The following LRFN5 variants were observed in gnomAD, a reference collection of about 807,000 sequenced individuals.
The protein encoded by LRFN5 is leucine-rich repeat and fibronectin type-III domain-containing protein 5.
Under a neutral mutation model 45.6 loss-of-function variants are expected in LRFN5, and 24 were observed. The ratio of observed to expected loss-of-function variants is 0.53; its 90% CI spans 0.38 to 0.74. The LOEUF is 0.74. Ranked by LOEUF, LRFN5 falls within the 30% of genes least tolerant of loss-of-function variation. The probability of loss-of-function intolerance (pLI) is 0.00; values close to 1 mark genes in which losing one functional copy is unlikely to be tolerated. For missense variants in LRFN5, 776 were observed against 861.5 expected, an observed-to-expected ratio of 0.90 and a Z score of 1.24; for synonymous variants, 340 against 313.8, an observed-to-expected ratio of 1.08 and a Z score of -0.88.
At chr14:41,807,343 A>G (rs143505717) in intron 2 of LRFN5, among the ~76,000 whole-genome samples, 2,036 of 152,256 alleles carry the variant, frequency 0.013, 19 homozygotes, top group Non-Finnish European at 0.018. Context: ...AAGTATAGAA[A>G]TCACTTGTTA....
intron 1 of LRFN5, among the ~76,000 whole-genome samples, chr14:41,660,725 G>C (rs1276268666): frequency 6.6e-6 from 1 of 151,732 alleles, no homozygotes; most frequent in African/African-American, 2.4e-5. Flanking sequence ...TTAAGTATTG[G>C]ATGTGACTTG....
At chr14:41,767,875 T>TG (rs571136855) in intron 2 of LRFN5, among the ~76,000 whole-genome samples, 192 of 152,318 alleles carry the variant, frequency 1.3e-3, no homozygotes, top group African/African-American at 3.9e-3. Context: ...ATGAGCCTGT[T>TG]GTTTTGCCAT....
intron 1 of LRFN5, among the ~76,000 whole-genome samples, chr14:41,674,602 G>T (rs528402733): frequency 1.6e-4 from 23 of 147,362 alleles, no homozygotes; most frequent in African/African-American, 5.5e-4. Flanking sequence ...CGGGCAGGGG[G>T]CTGACCCCCC....
At position 41,734,344 on chromosome 14, in the gene LRFN5, A is replaced by ATATATATATATATATATATATATATT. The variant is rs1428416141; in HGVS notation, c.-196-32509_-196-32508insATATATATATATATATATATATATTT. On this transcript the variant is annotated intron_variant, in intron 1 of 5. Coordinates refer to ENST00000298119, the MANE Select transcript of LRFN5 (RefSeq NM_152447.5). ...TATATATATATATATATATATATAT[A>ATATATATATATATATATATATATATT]TTTAAATTTGCTGTAACTTATTGAT... Among the ~76,000 whole-genome samples the ATATATATATATATATATATATATATT allele has an allele frequency of 6.4e-4, 68 of 105,936 alleles. 3 individuals carry two copies. Among genetic ancestry groups the ATATATATATATATATATATATATATT allele is most frequent in the East Asian group, 4.6e-3 (9 of 1,940 alleles). The allele number at this position is 105,936 out of a possible 152,430, so 69.5% of individuals were successfully genotyped here. A position where few individuals can be genotyped will look rare whatever the true frequency, so the allele number is the denominator to read the frequency against.
intron 2 of LRFN5, among the ~76,000 whole-genome samples, chr14:41,810,337 A>G (rs1887694495): frequency 6.6e-6 from 1 of 152,128 alleles, no homozygotes; most frequent in Admixed American, 6.6e-5. Flanking sequence ...GACCATAGCT[A>G]CTTGTGAGGC....
intron 2 of LRFN5, among the ~76,000 whole-genome samples, chr14:41,873,135 G>A (rs1221328593): frequency 6.6e-6 from 1 of 152,086 alleles, no homozygotes; most frequent in Non-Finnish European, 1.5e-5. Context: ...TGCTGCTTAT[G>A]GAGAATCTGT....
At chr14:41,869,910 C>T (rs1419429798) in intron 2 of LRFN5, among the ~76,000 whole-genome samples, 1 of 152,132 alleles carries the variant, frequency 6.6e-6, no homozygotes, top group African/African-American at 2.4e-5. Flanking sequence ...ACAGCCAAAC[C>T]ATATCAATAA....
intron 1 of LRFN5, among the ~76,000 whole-genome samples, chr14:41,609,483 C>T (rs1382218430): frequency 2.0e-5 from 3 of 152,046 alleles, no homozygotes; most frequent in Admixed American, 1.3e-4. Context: ...CCGGCTGAAG[C>T]AGAACAAATT....
At position 41,887,433 on chromosome 14, in the gene LRFN5, A is replaced by T; in HGVS notation, c.808A>T (p.Thr270Ser). The T allele has an allele frequency of 6.2e-7, 1 of 1,614,038 alleles. No homozygotes were observed. Residue 270 changes from threonine to serine, a missense_variant, in exon 3 of 6, where the codon ACT (threonine) becomes TCT (serine). Around this residue, in one of 2 missense-constraint regions of LRFN5, gnomAD observed 311 missense variants for 405.1 expected, o/e 0.77. Coordinates refer to ENST00000298119, the MANE Select transcript of LRFN5 (RefSeq NM_152447.5). The surrounding 1 kb of genome is among the most constrained non-coding windows in gnomAD (Gnocchi z 4.8). ...GACCTGTGCTTCTCCTCCACTTTTA[A>T]CTGGCCGCTACTTTTGGTCAATTCC... ...LETCASPPLL[T>S]GRYFWSIPEE...
chr14:41,848,885 G>T (rs1432836495), intron 2 of LRFN5, among the ~76,000 whole-genome samples: 2 of 151,992 alleles, frequency 1.3e-5, no homozygotes, highest in African/African-American at 4.8e-5. Flanking sequence ...AAAGACTTCT[G>T]TAACCCTTGC....
At chr14:41,767,436 T>C (rs1885925512) in intron 2 of LRFN5, among the ~76,000 whole-genome samples, 1 of 152,150 alleles carries the variant, frequency 6.6e-6, no homozygotes, top group South Asian at 2.1e-4. Context: ...AATTTCTCAT[T>C]TTCTGAATTT....
At chr14:41,674,362 C>G (rs1168880333) in intron 1 of LRFN5, among the ~76,000 whole-genome samples, 1 of 141,216 alleles carries the variant, frequency 7.1e-6, no homozygotes, top group African/African-American at 2.7e-5. Flanking sequence ...GATGGGGCGG[C>G]TGGCCGGGCG....
At chr14:41,739,688 G>C (rs551861088) in intron 1 of LRFN5, among the ~76,000 whole-genome samples, 17 of 151,066 alleles carry the variant, frequency 1.1e-4, no homozygotes, top group Non-Finnish European at 2.5e-4. Context: ...CACAAACGTA[G>C]TGGAAGGAAG....
In LRFN5 at chr14:41,886,676, T is replaced by A; in HGVS notation, c.51T>A (p.Ala17=). 1 of 1,610,610 alleles carries A rather than the reference T, an allele frequency of 6.2e-7. No individual in the cohort carries two copies. Among genetic ancestry groups the A allele is most frequent in the Non-Finnish European group, 8.5e-7 (1 of 1,179,120 alleles). The change falls in exon 3 of 6, where the codon GCT becomes GCA. Residue 17 remains alanine (A), a synonymous_variant. Coordinates refer to ENST00000298119, the MANE Select transcript of LRFN5 (RefSeq NM_152447.5). ...TTCTCATTGGCATAGCAGTGAAAGC[T>A]CAGATCTGTCCAAAGCGTTGTGTCT... is the stretch of plus-strand genomic sequence containing the variant. ...YLFLIGIAVK[A]QICPKRCVCQ...
chr14:41,613,736 C>CA (rs925290807), intron 1 of LRFN5, among the ~76,000 whole-genome samples: 3 of 151,666 alleles, frequency 2.0e-5, no homozygotes, highest in African/African-American at 4.8e-5. Flanking sequence ...AGAAAAAAAA[C>CA]AAAAAAACTA....
At chr14:41,760,509 A>T (rs780594903) in intron 1 of LRFN5, among the ~76,000 whole-genome samples, 1 of 152,250 alleles carries the variant, frequency 6.6e-6, no homozygotes, top group Non-Finnish European at 1.5e-5. Flanking sequence ...TGGCTTCTAC[A>T]CATTTACACA....
chr14:41,752,202 T>G (rs1043277891), intron 1 of LRFN5, among the ~76,000 whole-genome samples: 41 of 152,104 alleles, frequency 2.7e-4, no homozygotes, highest in African/African-American at 8.7e-4. Flanking sequence ...CTTTGCTATT[T>G]TGAGTAGTGC....
At position 41,676,434 on chromosome 14, in the gene LRFN5, A is replaced by AC. The variant is rs536732147; in HGVS notation, c.-197+67874dup. Among the ~76,000 whole-genome samples the AC allele has an allele frequency of 3.0e-3, 461 of 152,374 alleles. 2 individuals carry two copies. Among genetic ancestry groups the AC allele is most frequent in the African/African-American group, 0.011 (440 of 41,594 alleles). ...TGCAAAAGAGAGTGGAGAACTCCTT[A>AC]CCTAAGAGTGTGTCAAGAACAGTGG... On this transcript the variant is annotated intron_variant, in intron 1 of 5. Transcript: ENST00000298119.
At chr14:41,842,612 A>G (rs1012973700) in intron 2 of LRFN5, among the ~76,000 whole-genome samples, 1 of 152,176 alleles carries the variant, frequency 6.6e-6, no homozygotes, top group African/African-American at 2.4e-5. Flanking sequence ...ATTTATTTTC[A>G]GAGTGCTGTT....
Sources: allele counts gnomAD v4.1 joint callset (sites outside exome capture counted in the v4.1 genomes callset), GRCh38; gene constraint gnomAD v4.1.1; regional missense constraint gnomAD v4.1.1; non-coding constraint Gnocchi (gnomAD v3.1); transcripts MANE v1.5; gene names NCBI Gene and HGNC (gene_info 2026-07-23, HGNC 2026-07-21).